Variants in SWT1 observed in about 807,000 individuals in gnomAD.
SWT1 encodes transcriptional protein SWT1.
A neutral mutation model predicts 107.3 loss-of-function variants in SWT1; 33 were observed. The observed-to-expected ratio is 0.31, with a 90% CI of 0.23 to 0.41. The LOEUF (loss-of-function observed/expected upper bound fraction) is 0.41. Ranked by LOEUF, SWT1 falls within the 10% of genes least tolerant of loss-of-function variation. SWT1 has a pLI of 1.00. For synonymous variants in SWT1, 345 were observed against 348.3 expected, an observed-to-expected ratio of 0.99 and a Z score of 0.11; for missense variants, 898 against 1,028.9, an observed-to-expected ratio of 0.87 and a Z score of 1.74.
intron 7 of SWT1, among the ~76,000 whole-genome samples, chr1:185,183,717 G>A (rs180898450): frequency 1.3e-4 from 20 of 152,286 alleles, no homozygotes; most frequent in Non-Finnish European, 8.8e-5. Context: ...CCCCAGGCAA[G>A]TCAGTTCATA....
At chr1:185,254,975 TTG>T (rs1449597215) in intron 16 of SWT1, among the ~76,000 whole-genome samples, 1 of 152,194 alleles carries the variant, frequency 6.6e-6, no homozygotes, top group African/African-American at 2.4e-5. Flanking sequence ...TTCTGGTATG[TTG>T]TGTCTTTGTT....
At chr1:185,207,047 G>A (rs1658387949) in intron 13 of SWT1, among the ~76,000 whole-genome samples, 1 of 152,162 alleles carries the variant, frequency 6.6e-6, no homozygotes, top group African/African-American at 2.4e-5. Context: ...TTTTGATGAT[G>A]TCTACTTTGA....
At chr1:185,269,186 A>G (rs963101539) in intron 16 of SWT1, among the ~76,000 whole-genome samples, 1 of 151,958 alleles carries the variant, frequency 6.6e-6, no homozygotes, top group African/African-American at 2.4e-5. Context: ...CCAAGTTAGA[A>G]CACACTAGTT....
At chr1:185,203,623 G>GA (rs1432748352) in intron 11 of SWT1, among the ~76,000 whole-genome samples, 249 of 112,994 alleles carry the variant, frequency 2.2e-3, no homozygotes, top group South Asian at 0.018. Flanking sequence ...CTCCGTCTCA[G>GA]AAAAAAAAAA....
At chr1:185,270,892 A>G (rs749650266) in intron 16 of SWT1, among the ~76,000 whole-genome samples, 7 of 152,196 alleles carry the variant, frequency 4.6e-5, no homozygotes, top group Non-Finnish European at 8.8e-5. Flanking sequence ...TTAAGTGGCT[A>G]ATAGTTTCAT....
intron 16 of SWT1, among the ~76,000 whole-genome samples, chr1:185,253,267 C>G (rs1662195296): frequency 1.3e-5 from 2 of 150,306 alleles, no homozygotes; most frequent in Non-Finnish European, 3.0e-5. Flanking sequence ...GCAATGCAGG[C>G]TCTTTTTTGG....
chr1:185,257,732 A>AC (rs1342479244), intron 16 of SWT1, among the ~76,000 whole-genome samples: 4 of 152,222 alleles, frequency 2.6e-5, no homozygotes, highest in African/African-American at 7.2e-5. Flanking sequence ...TGCAGAAATC[A>AC]CCGCCTTCTG....
At chr1:185,239,202 G>C (rs115700210) in intron 16 of SWT1, among the ~76,000 whole-genome samples, 301 of 152,086 alleles carry the variant, frequency 2.0e-3, no homozygotes, top group South Asian at 3.1e-3. Flanking sequence ...AGCTGACTTT[G>C]GGCATGTCAT....
intron 16 of SWT1, among the ~76,000 whole-genome samples, chr1:185,255,350 A>T (rs1261796316): frequency 6.2e-5 from 9 of 145,838 alleles, no homozygotes; most frequent in African/African-American, 1.3e-4. Flanking sequence ...ACTTTCTGTC[A>T]CGTTGATCTG....
At chr1:185,188,879 T>C (rs1252586233) in intron 9 of SWT1, among the ~76,000 whole-genome samples, 1 of 152,218 alleles carries the variant, frequency 6.6e-6, no homozygotes. Flanking sequence ...GCATTCTGTG[T>C]TATTAATAAG....
At chr1:185,277,281 T>G (rs927472968) in intron 18 of SWT1, among the ~76,000 whole-genome samples, 3 of 150,964 alleles carry the variant, frequency 2.0e-5, no homozygotes, top group African/African-American at 2.4e-5. Flanking sequence ...TATTTATTTG[T>G]TTTTTTTTAT....
At chr1:185,164,301 T>A (rs1654398763) in intron 2 of SWT1, among the ~76,000 whole-genome samples, 1 of 152,176 alleles carries the variant, frequency 6.6e-6, no homozygotes, top group Non-Finnish European at 1.5e-5. Context: ...CAGAGTAGAT[T>A]TAACATCATT....
chr1:185,175,253 C>CAAAA, intron 5 of SWT1, 140 bp downstream of exon 5: 2 of 750,920 alleles, frequency 2.7e-6, no homozygotes, highest in South Asian at 2.9e-5. Context: ...GACAGGGTCT[C>CAAAA]ACTCCGTTGC....
intron 16 of SWT1, among the ~76,000 whole-genome samples, chr1:185,255,666 A>G (rs1558079573): frequency 1.6e-5 from 2 of 127,466 alleles, no homozygotes; most frequent in Non-Finnish European, 3.2e-5. Flanking sequence ...TTTTGAGCCT[A>G]TGTGTGTCTC....
intron 4 of SWT1, 86 bp downstream of exon 4, chr1:185,168,484 T>C (rs1197381067): frequency 4.1e-6 from 3 of 726,744 alleles, no homozygotes; most frequent in Non-Finnish European, 4.0e-6. Context: ...TTATTTACTT[T>C]GAAGAGGACT....
At chr1:185,186,679 A>T (rs1432529197) in intron 9 of SWT1, among the ~76,000 whole-genome samples, 3 of 152,112 alleles carry the variant, frequency 2.0e-5, no homozygotes, top group African/African-American at 4.8e-5. Flanking sequence ...AATGATGAAT[A>T]GAGGTGATAT....
In SWT1 at chr1:185,190,720, A is replaced by G. The variant is rs141782496; in HGVS notation, c.1523+78A>G. ...TTAAAAAAATCATATGGTATCCAGC[A>G]TACCAAGGATCAAAAACATACATAA... On this transcript the variant is annotated intron_variant, in intron 10 of 18. Coordinates refer to ENST00000367500, the MANE Select transcript of SWT1 (RefSeq NM_017673.7). 157 of 826,774 alleles carry G rather than the reference A, an allele frequency of 1.9e-4. 1 individual carries two copies. In the African/African-American group the frequency reaches 2.5e-3, roughly 13 times the overall value. 51.2% of individuals were successfully genotyped at this position (826,774 alleles called of 1,614,324 possible). A position where few individuals can be genotyped will look rare whatever the true frequency, so the allele number is the denominator to read the frequency against.
At chr1:185,237,137 G>A (rs1187226463) in intron 16 of SWT1, among the ~76,000 whole-genome samples, 1 of 152,158 alleles carries the variant, frequency 6.6e-6, no homozygotes, top group African/African-American at 2.4e-5. Flanking sequence ...ATGGAAGACA[G>A]TGTGATGATT....
chr1:185,182,538 G>A (rs12141722), intron 7 of SWT1, among the ~76,000 whole-genome samples: 46,375 of 151,530 alleles, frequency 0.31, 7,431 homozygotes, highest in Non-Finnish European at 0.36. Flanking sequence ...GATGGGATGC[G>A]CCTGTAGTCG....
Sources: gnomAD v4.1 joint callset for allele counts (sites outside exome capture counted in the v4.1 genomes callset) on GRCh38, gnomAD v4.1.1 for gene constraint, MANE v1.5 for transcripts, NCBI Gene and HGNC (gene_info 2026-07-23, HGNC 2026-07-21) for gene names.